The following ARAP2 variants were observed in gnomAD, a reference collection of about 807,000 sequenced individuals.
The protein encoded by ARAP2 is arf-GAP with Rho-GAP domain, ANK repeat and PH domain-containing protein 2.
In ARAP2, 148 loss-of-function variants were observed where a neutral mutation model predicts 194.5. The ratio of observed to expected loss-of-function variants is 0.76; its 90% confidence interval spans 0.67 to 0.87. The LOEUF (loss-of-function observed/expected upper bound fraction) is 0.87, where lower values mean the gene tolerates loss of function less well. Among genes scored for constraint, ARAP2 ranks in the 40% least tolerant of loss-of-function variants. The probability of loss-of-function intolerance (pLI) is 0.00; values close to 1 mark genes in which losing one functional copy is unlikely to be tolerated. For missense variants in ARAP2, 2,128 were observed against 1,989.7 expected, an observed-to-expected ratio of 1.07 and a Z score of -1.32; for synonymous variants, 695 against 683.5, an observed-to-expected ratio of 1.02 and a Z score of -0.26.
chr4:36,147,064 A>G (rs1337805153), intron 19 of ARAP2, among the ~76,000 whole-genome samples: 2 of 152,112 alleles, frequency 1.3e-5, no homozygotes, highest in Non-Finnish European at 2.9e-5. Flanking sequence ...ATAGAAAACT[A>G]TACAATAATT....
chr4:36,124,967 T>A lies in ARAP2; in HGVS notation c.3641A>T (p.Asp1214Val). ...AATTCTTTCCTTGTCATCTTGCGTA[T>A]CTGAAGGGGAAAAAAAAACAATCTT... ...ELYPYWISAL[D>V]TQDDKERIKK... Residue 1214 changes from aspartate (D) to valine (V), a missense_variant and splice_region_variant, in exon 22 of 33, where the codon GAT becomes GTT. Asp to Val is a radical substitution (Grantham distance 152). Coordinates refer to ENST00000303965, the MANE Select transcript of ARAP2 (RefSeq NM_015230.4). 1 of 1,587,570 alleles carries A rather than the reference T, an allele frequency of 6.3e-7. No homozygotes were observed. The highest frequency in any genetic ancestry group is 8.6e-7 in the Non-Finnish European group (1 of 1,158,622).
chr4:36,028,898 C>G (rs1718430846), intron 5 of ARAP2, among the ~76,000 whole-genome samples: 1 of 151,818 alleles, frequency 6.6e-6, no homozygotes, highest in South Asian at 2.1e-4. Context: ...ATGAAAGGGC[C>G]ATTTTTTTCT....
chr4:36,145,334 A>T (rs1264043979), intron 19 of ARAP2, among the ~76,000 whole-genome samples: 1 of 152,048 alleles, frequency 6.6e-6, no homozygotes, highest in Non-Finnish European at 1.5e-5. Flanking sequence ...ATACCATGGA[A>T]TACTACACAA....
chr4:36,119,724 T>C lies in ARAP2; in HGVS notation c.3895-6A>G. 1 of 1,575,064 alleles carries C rather than the reference T, an allele frequency of 6.3e-7. No individual in the cohort carries two copies. The highest frequency in any genetic ancestry group is 8.7e-7 in the Non-Finnish European group (1 of 1,148,332). Reference sequence around the variant, plus strand: ...TTGACTTGATCTTCTTTAACCTGTTTAAAATATAATTCGGGACATTCTAAT... The same window carrying C: ...TTGACTTGATCTTCTTTAACCTGTTCAAAATATAATTCGGGACATTCTAAT... On this transcript the variant is annotated splice_region_variant and splice_polypyrimidine_tract_variant and intron_variant, in intron 23 of 32. Coordinates refer to ENST00000303965, the MANE Select transcript of ARAP2 (RefSeq NM_015230.4).
chr4:36,166,863 C>G, intron 10 of ARAP2, 69 bp downstream of exon 10: 1 of 837,004 alleles, frequency 1.2e-6, no homozygotes, highest in Non-Finnish European at 1.8e-6. Context: ...TCACCACGAA[C>G]AACATAAAGG....
At chr4:36,160,665 CATAAT>C (rs777742695) in intron 12 of ARAP2, 24 bp from the exon 13 acceptor site, 87 of 1,402,664 alleles carry the variant, frequency 6.2e-5, no homozygotes, top group Non-Finnish European at 7.5e-5. Context: ...AAAAAAACCC[CATAAT>C]ATATCAGTTC....
chr4:36,158,797 G>T lies in ARAP2; in HGVS notation c.2685C>A (p.Leu895=), dbSNP rs1733204677. Residue 895 remains leucine, a synonymous_variant, in exon 15 of 33, where the codon CTC becomes CTA. Coordinates refer to ENST00000303965, the MANE Select transcript of ARAP2 (RefSeq NM_015230.4). ...AAGGAGCTTGATATAAAAAGTCACA[G>T]AGGAATGTGGACTGGGAAGACTCTT... The part of the protein sequence containing the change: ...LSQESSQSTF[L]CDFLYQAPSA... 1.2e-6 allele frequency: 2 copies of T among 1,612,420 alleles called. No homozygotes were observed. The highest frequency in any genetic ancestry group is 4.5e-5 in the East Asian group (2 of 44,754).
intron 28 of ARAP2, among the ~76,000 whole-genome samples, chr4:36,085,540 T>A (rs773107974): frequency 7.2e-5 from 11 of 152,098 alleles, no homozygotes; most frequent in Admixed American, 3.9e-4. Context: ...CACTGCACCA[T>A]TGCTCTTTGT....
Position 36,068,216 on chromosome 4 carries a change from G to A in ARAP2, c.4806C>T (p.Asp1602=), listed in dbSNP as rs929283192. ...TGGAAGCTCTCTCCTTTAAGCTAGA[G>A]TCCACGGACTCTTTATCACACTTTT... The part of the protein sequence containing the change: ...LSEKCDKESV[D]SSLKERASMV... The change falls in exon 33 of 33, where the codon GAC becomes GAT. Residue 1602 remains aspartate, a synonymous_variant. Transcript: ENST00000303965. The A allele has an allele frequency of 1.9e-6, 3 of 1,609,398 alleles. No individual in the cohort carries two copies. The highest frequency in any genetic ancestry group is 2.5e-6 in the Non-Finnish European group (3 of 1,178,398).
chr4:36,210,636 T>A lies in ARAP2; in HGVS notation c.1241A>T (p.Glu414Val), dbSNP rs754703455. The part of the protein sequence containing the change: ...NFLIDTASES[E>V]YSTVEECFQS... The stretch of plus-strand genomic sequence containing the variant: ...AAAGCATTCTTCTACTGTTGAGTAT[T>A]CTGATTCAGAAGCAGTGTCTATCAA... Residue 414 changes from glutamate (E) to valine (V), a missense_variant, in exon 6 of 33, where the codon GAA becomes GTA. Coordinates refer to ENST00000303965, the MANE Select transcript of ARAP2 (RefSeq NM_015230.4). 1 of 1,613,902 alleles carries A rather than the reference T, an allele frequency of 6.2e-7. No individual in the cohort carries two copies.
intron 32 of ARAP2, among the ~76,000 whole-genome samples, chr4:36,069,414 AC>A (rs1198448959): frequency 1.3e-5 from 2 of 152,186 alleles, no homozygotes; most frequent in African/African-American, 4.8e-5. Flanking sequence ...TGATGGTTGA[AC>A]AATGTAAATA....
At chr4:36,023,213 G>A (rs571792781) in intron 5 of ARAP2, among the ~76,000 whole-genome samples, 1 of 152,274 alleles carries the variant, frequency 6.6e-6, no homozygotes, top group African/African-American at 2.4e-5. Flanking sequence ...CTTGCTATGA[G>A]TTGGGGAAAA....
chr4:36,129,394 C>T (rs961907173), intron 20 of ARAP2, among the ~76,000 whole-genome samples: 2 of 151,910 alleles, frequency 1.3e-5, no homozygotes, highest in Non-Finnish European at 2.9e-5. Context: ...GTCTCACATG[C>T]CTGTTAATCC....
intron 19 of ARAP2, among the ~76,000 whole-genome samples, chr4:36,140,856 A>G (rs1728154062): frequency 6.6e-6 from 1 of 151,652 alleles, no homozygotes; most frequent in African/African-American, 2.4e-5. Flanking sequence ...CATCAAGTGT[A>G]TTATGCTTTA....
At chr4:36,017,563 G>GAAAAAAAAAAAAA (rs1560270898) in intron 6 of ARAP2, among the ~76,000 whole-genome samples, 7 of 6,516 alleles carry the variant, frequency 1.1e-3, no homozygotes, top group East Asian at 4.1e-3. Context: ...TAAGAAAGTG[G>GAAAAAAAAAAAAA]TAAAAAAAAA....
chr4:36,043,521 A>G (rs186680125), intron 5 of ARAP2, among the ~76,000 whole-genome samples: 4 of 152,206 alleles, frequency 2.6e-5, no homozygotes, highest in Admixed American at 2.6e-4. Flanking sequence ...CATTTTCTAA[A>G]TTTATAACAA....
chr4:36,223,280 A>C (rs368947103), intron 2 of ARAP2, among the ~76,000 whole-genome samples: 3 of 152,126 alleles, frequency 2.0e-5, no homozygotes, highest in African/African-American at 4.8e-5. Flanking sequence ...TAAAAATAAA[A>C]CCCAAATCAA....
At chr4:36,107,789 T>C (rs1351927488) in intron 26 of ARAP2, 96 bp from the exon 27 acceptor site, 3 of 1,168,382 alleles carry the variant, frequency 2.6e-6, no homozygotes, top group Non-Finnish European at 3.5e-6. Flanking sequence ...TTTGAAAACA[T>C]CTGTAGGCAA....
At chr4:36,157,833 T>C (rs528270176) in intron 15 of ARAP2, among the ~76,000 whole-genome samples, 1 of 152,236 alleles carries the variant, frequency 6.6e-6, no homozygotes, top group African/African-American at 2.4e-5. Flanking sequence ...AGCTTTTATA[T>C]TGAAATAAGA....
Sources: allele counts gnomAD v4.1 joint callset (sites outside exome capture counted in the v4.1 genomes callset), GRCh38; gene constraint gnomAD v4.1.1; transcripts MANE v1.5; gene names NCBI Gene and HGNC (gene_info 2026-07-23, HGNC 2026-07-21).